Variants in AGMO observed in about 807,000 individuals in gnomAD.
AGMO encodes alkylglycerol monooxygenase.
AGMO carries 75 observed loss-of-function variants against 60.2 expected under a neutral mutation model. The ratio of observed to expected loss-of-function variants is 1.25; its 90% CI spans 1.03 to 1.51. The LOEUF (loss-of-function observed/expected upper bound fraction) is 1.51. Among genes scored for constraint, AGMO ranks in the 40% most tolerant of loss-of-function variants. The pLI is 0.00. For synonymous variants in AGMO, 261 were observed against 177.1 expected, an observed-to-expected ratio of 1.47 and a Z score of -3.76; for missense variants, 763 against 525.5, an observed-to-expected ratio of 1.45 and a Z score of -4.42.
chr7:15,360,919 A>G (rs1782725412), intron 12 of AGMO, among the ~76,000 whole-genome samples: 1 of 143,716 alleles, frequency 7.0e-6, no homozygotes, highest in African/African-American at 2.7e-5. Context: ...CATGAAAATA[A>G]GAAGAAAAAA....
At chr7:15,350,729 T>G (rs1782209113) in intron 12 of AGMO, among the ~76,000 whole-genome samples, 1 of 152,202 alleles carries the variant, frequency 6.6e-6, no homozygotes, top group Admixed American at 6.5e-5. Context: ...TAGTCAACTT[T>G]TCCTTTCTGT....
intron 3 of AGMO, among the ~76,000 whole-genome samples, chr7:15,446,646 G>A (rs528509912): frequency 7.9e-5 from 12 of 152,168 alleles, no homozygotes; most frequent in Non-Finnish European, 1.8e-4. Flanking sequence ...ATAAAGAATA[G>A]ATTGCATTTA....
the AGMO span, among the ~76,000 whole-genome samples, chr7:15,178,248 C>T: frequency 2.0e-5 from 3 of 152,268 alleles, no homozygotes; most frequent in African/African-American, 2.4e-5. Context: ...TATTCTGAGT[C>T]ATTGCATGAC....
intron 12 of AGMO, among the ~76,000 whole-genome samples, chr7:15,259,769 A>G (rs909033493): frequency 1.3e-5 from 2 of 151,956 alleles, no homozygotes; most frequent in African/African-American, 4.8e-5. Context: ...TCCTTAAACA[A>G]AACAGTTATG....
intron 12 of AGMO, among the ~76,000 whole-genome samples, chr7:15,285,095 A>C (rs113827090): frequency 0.018 from 2,745 of 152,146 alleles, 64 homozygotes; most frequent in African/African-American, 0.063. Context: ...AATAAAAGCC[A>C]TATATGATGG....
At chr7:15,335,510 T>G (rs1781630108) in intron 12 of AGMO, among the ~76,000 whole-genome samples, 1 of 152,100 alleles carries the variant, frequency 6.6e-6, no homozygotes, top group Non-Finnish European at 1.5e-5. Flanking sequence ...GTGCCTAGAT[T>G]CCACCGGAAA....
intron 12 of AGMO, among the ~76,000 whole-genome samples, chr7:15,330,786 C>A (rs1781475286): frequency 6.6e-6 from 1 of 151,976 alleles, no homozygotes; most frequent in Non-Finnish European, 1.5e-5. Context: ...GGACAATTTA[C>A]TTAACATCTT....
At chr7:15,237,429 T>C (rs529286128) in intron 12 of AGMO, among the ~76,000 whole-genome samples, 5 of 152,204 alleles carry the variant, frequency 3.3e-5, no homozygotes, top group South Asian at 2.1e-4. Flanking sequence ...CTTTAAGATT[T>C]TGCCCACAGT....
At chr7:15,303,182 G>A (rs1279050597) in intron 12 of AGMO, among the ~76,000 whole-genome samples, 1 of 152,064 alleles carries the variant, frequency 6.6e-6, no homozygotes, top group South Asian at 2.1e-4. Flanking sequence ...GATGCAGAGA[G>A]AAATGTATCT....
intron 5 of AGMO, among the ~76,000 whole-genome samples, chr7:15,394,688 CTG>C (rs1240760360): frequency 1.3e-5 from 2 of 152,088 alleles, no homozygotes; most frequent in Non-Finnish European, 2.9e-5. Flanking sequence ...GTGAAAACAA[CTG>C]TGTTATGTTT....
the AGMO span, among the ~76,000 whole-genome samples, chr7:15,155,582 T>C: frequency 6.6e-6 from 1 of 152,080 alleles, no homozygotes; most frequent in Non-Finnish European, 1.5e-5. Context: ...AACCTTCTTT[T>C]ATATCTTGAT....
the AGMO span, among the ~76,000 whole-genome samples, chr7:15,135,979 CTT>C: frequency 2.8e-5 from 3 of 106,860 alleles, no homozygotes; most frequent in Non-Finnish European, 3.6e-5. Flanking sequence ...TTTTTCTTTT[CTT>C]TTTTTTTTTT....
intron 10 of AGMO, among the ~76,000 whole-genome samples, chr7:15,376,226 A>C (rs796217470): frequency 1.1e-4 from 17 of 152,120 alleles, no homozygotes; most frequent in African/African-American, 4.1e-4. Flanking sequence ...TTACCACCGA[A>C]AATCTTAAGG....
intron 12 of AGMO, among the ~76,000 whole-genome samples, chr7:15,252,928 G>A (rs1312438819): frequency 6.6e-6 from 1 of 152,180 alleles, no homozygotes; most frequent in East Asian, 1.9e-4. Context: ...GAAAGAGGAT[G>A]TGATCCACTA....
chr7:15,343,407 C>T (rs974457594), intron 12 of AGMO, among the ~76,000 whole-genome samples: 15 of 152,080 alleles, frequency 9.9e-5, no homozygotes, highest in African/African-American at 2.7e-4. Flanking sequence ...CTAAGTGATA[C>T]GAAATATAAG....
At chr7:15,531,430 A>C (rs187366710) in intron 3 of AGMO, among the ~76,000 whole-genome samples, 6,809 of 16,534 alleles carry the variant, frequency 0.41, 1,092 homozygotes, top group East Asian at 0.6. Flanking sequence ...TATATATTCT[A>C]TATATATATT....
chr7:15,401,161 T>A (rs1280563309), intron 5 of AGMO, among the ~76,000 whole-genome samples: 1 of 152,196 alleles, frequency 6.6e-6, no homozygotes, highest in Admixed American at 6.5e-5. Context: ...AATGTAATTC[T>A]GTGTCTTGTG....
intron 3 of AGMO, among the ~76,000 whole-genome samples, chr7:15,526,644 A>T (rs2128538526): frequency 6.6e-6 from 1 of 152,238 alleles, no homozygotes; most frequent in African/African-American, 2.4e-5. Context: ...CTCAGAATAA[A>T]CCTATTTTAA....
chr7:15,463,124 A>G (rs1455019604), intron 3 of AGMO, among the ~76,000 whole-genome samples: 1 of 152,190 alleles, frequency 6.6e-6, no homozygotes, highest in Admixed American at 6.6e-5. Flanking sequence ...AAATTTTGAT[A>G]TGCTTATTAA....
Sources: allele counts gnomAD v4.1 joint callset (sites outside exome capture counted in the v4.1 genomes callset), GRCh38; gene constraint gnomAD v4.1.1; transcripts MANE v1.5; gene names NCBI Gene and HGNC (gene_info 2026-07-23, HGNC 2026-07-21).